CADM2: variants seen among roughly 807,000 people sequenced by gnomAD.
CADM2 encodes immunoglobulin superfamily member 4D.
Under a neutral mutation model 49.8 loss-of-function variants are expected in CADM2, and 12 were observed. That is an observed-to-expected ratio of 0.24 (90% CI 0.15 to 0.39). The LOEUF is 0.39. Among genes scored for constraint, CADM2 ranks in the 10% least tolerant of loss-of-function variants. The pLI is 1.00. For missense variants in CADM2, 378 were observed against 492.3 expected (o/e 0.77, Z 2.20); for synonymous variants, 214 against 175.4 (o/e 1.22, Z -1.74).
At chr3:85,642,179 G>A (rs970797172) in intron 1 of CADM2, among the ~76,000 whole-genome samples, 1 of 152,142 alleles carries the variant, frequency 6.6e-6, no homozygotes, top group Non-Finnish European at 1.5e-5. Flanking sequence ...AGACAGCCCT[G>A]TTTGTTTAAT....
At chr3:85,243,270 T>G (rs936003155) in intron 1 of CADM2, among the ~76,000 whole-genome samples, 10 of 151,966 alleles carry the variant, frequency 6.6e-5, no homozygotes, top group African/African-American at 2.4e-4. Flanking sequence ...TAATGAGTAA[T>G]ATTTTCTAGC....
chr3:85,264,618 T>G (rs2043082627), intron 1 of CADM2, among the ~76,000 whole-genome samples: 1 of 152,024 alleles, frequency 6.6e-6, no homozygotes, highest in Non-Finnish European at 1.5e-5. Flanking sequence ...TCTCTACACT[T>G]AATTTTGAAA....
Position 85,898,796 on chromosome 3 carries a change from C to A in CADM2, c.529+12469C>A, listed in dbSNP as rs958036078. ...CATTTGTGGGTACAATTTTGTATGGCCATTTGTCTTCATTTTTCTTAGGCA... is the reference window on the plus strand; with the variant it reads ...CATTTGTGGGTACAATTTTGTATGGACATTTGTCTTCATTTTTCTTAGGCA... On this transcript the variant is annotated intron_variant, in intron 5 of 9. Transcript: ENST00000383699. Among the ~76,000 whole-genome samples the A allele has an allele frequency of 2.0e-5, 3 of 150,538 alleles. No individual in the cohort carries two copies. The South Asian group carries it at 6.3e-4, about 32-fold the overall frequency.
At chr3:85,324,457 G>A (rs1164777380) in intron 1 of CADM2, among the ~76,000 whole-genome samples, 6 of 152,090 alleles carry the variant, frequency 3.9e-5, no homozygotes, top group East Asian at 1.9e-4. Context: ...TCTGCATGCC[G>A]TCTGAAAAAA....
intron 2 of CADM2, among the ~76,000 whole-genome samples, chr3:85,784,530 TTATCTATC>T (rs71112118): frequency 0.1 from 14,735 of 142,212 alleles, 841 homozygotes; most frequent in African/African-American, 0.17. Context: ...CTAAATATAT[TTATCTATC>T]TATCTATCTA....
chr3:85,323,962 T>G (rs1443733562), intron 1 of CADM2, among the ~76,000 whole-genome samples: 3 of 152,184 alleles, frequency 2.0e-5, no homozygotes, highest in Non-Finnish European at 2.9e-5. Context: ...ACGAATCAAT[T>G]AAGCAAAATT....
chr3:85,175,103 C>T (rs1468513795), intron 1 of CADM2, among the ~76,000 whole-genome samples: 1 of 152,052 alleles, frequency 6.6e-6, no homozygotes, highest in Non-Finnish European at 1.5e-5. Flanking sequence ...AGGATGGCAA[C>T]TGTAAAAACA....
At chr3:85,970,389 A>C (rs1300203498) in intron 8 of CADM2, among the ~76,000 whole-genome samples, 1 of 151,522 alleles carries the variant, frequency 6.6e-6, no homozygotes, top group African/African-American at 2.4e-5. Flanking sequence ...AGTGAAGCTC[A>C]ATAGATGCTT....
chr3:85,871,377 C>G (rs577687431), intron 3 of CADM2, among the ~76,000 whole-genome samples: 1 of 152,160 alleles, frequency 6.6e-6, no homozygotes, highest in East Asian at 1.9e-4. Flanking sequence ...TAATAAGATA[C>G]CATTCACAGT....
At chr3:85,370,486 C>T (rs564406794) in intron 1 of CADM2, among the ~76,000 whole-genome samples, 3 of 151,938 alleles carry the variant, frequency 2.0e-5, no homozygotes, top group Admixed American at 2.0e-4. Context: ...TTGCCTAGTG[C>T]TGTCATACCT....
At chr3:85,473,992 CTAAA>C (rs1481346586) in intron 1 of CADM2, among the ~76,000 whole-genome samples, 1 of 151,712 alleles carries the variant, frequency 6.6e-6, no homozygotes, top group African/African-American at 2.4e-5. Flanking sequence ...CTTGCATTCC[CTAAA>C]TATTGTTGCA....
intron 1 of CADM2, among the ~76,000 whole-genome samples, chr3:85,389,002 G>A (rs2034387057): frequency 6.6e-6 from 1 of 152,144 alleles, no homozygotes; most frequent in African/African-American, 2.4e-5. Context: ...TCTCTCCTAT[G>A]ATCGGAGAGA....
intron 8 of CADM2, among the ~76,000 whole-genome samples, chr3:85,998,324 T>C (rs1394039651): frequency 6.6e-6 from 1 of 152,228 alleles, no homozygotes; most frequent in African/African-American, 2.4e-5. Flanking sequence ...TTTATGACAT[T>C]TCTCGTAGTT....
At chr3:85,449,905 G>T (rs1034724211) in intron 1 of CADM2, among the ~76,000 whole-genome samples, 1 of 152,026 alleles carries the variant, frequency 6.6e-6, no homozygotes, top group Admixed American at 6.6e-5. Context: ...GATCTTACTA[G>T]TACATCAGTC....
chr3:86,026,278 C>G (rs1443702541), intron 8 of CADM2, among the ~76,000 whole-genome samples: 2 of 151,736 alleles, frequency 1.3e-5, no homozygotes, highest in African/African-American at 2.4e-5. Context: ...GGGGAGAACT[C>G]TGTTGTGGAG....
intron 1 of CADM2, among the ~76,000 whole-genome samples, chr3:85,014,262 G>A (rs1473959083): frequency 6.6e-6 from 1 of 150,530 alleles, no homozygotes; most frequent in African/African-American, 2.4e-5. Flanking sequence ...TATATACGCA[G>A]TGTAATAATA....
At chr3:86,056,600 AG>A (rs1738020177) in intron 8 of CADM2, among the ~76,000 whole-genome samples, 1 of 152,220 alleles carries the variant, frequency 6.6e-6, no homozygotes, top group South Asian at 2.1e-4. Flanking sequence ...TCTTCCCAGG[AG>A]GGAAGCTGCA....
chr3:85,627,769 G>A (rs1212969609), intron 1 of CADM2, among the ~76,000 whole-genome samples: 1 of 151,974 alleles, frequency 6.6e-6, no homozygotes, highest in Non-Finnish European at 1.5e-5. Flanking sequence ...CAAAGACAAT[G>A]TGAGCCCTCC....
chr3:85,679,905 G>C lies in CADM2; in HGVS notation c.62-46617G>C, dbSNP rs2065992329. ...AGTCAATTGTTTAAAGAGTAGGGCA[G>C]ATATTCATTTTGCTATATGAAGAAT... On this transcript the variant is annotated intron_variant, in intron 1 of 9. Transcript: ENST00000383699. Among the ~76,000 whole-genome samples the C allele has an allele frequency of 1.3e-5, 2 of 152,144 alleles. 1 individual carries two copies. Among genetic ancestry groups the C allele is most frequent in the Middle Eastern group, 6.8e-3 (2 of 292 alleles).
Sources: gnomAD v4.1 joint callset for allele counts (sites outside exome capture counted in the v4.1 genomes callset) on GRCh38, gnomAD v4.1.1 for gene constraint, MANE v1.5 for transcripts, NCBI Gene and HGNC (gene_info 2026-07-23, HGNC 2026-07-21) for gene names.